The following UXS1 variants were observed in gnomAD, a reference collection of about 807,000 sequenced individuals.
UXS1 encodes UDP-glucuronate decarboxylase 1, also known as UDP-glucuronic acid decarboxylase 1.
A neutral mutation model predicts 62.6 loss-of-function variants in UXS1; 33 were observed. The ratio of observed to expected loss-of-function variants is 0.53; its 90% CI spans 0.40 to 0.70. UXS1 has a LOEUF of 0.70. Ranked by LOEUF, UXS1 falls within the 30% of genes least tolerant of loss-of-function variation. The pLI is 0.00. For missense variants in UXS1, 434 were observed against 556.3 expected, an observed-to-expected ratio of 0.78 and a Z score of 2.21; for synonymous variants, 213 against 206.8, an observed-to-expected ratio of 1.03 and a Z score of -0.26.
chr2:106,165,881 T>TC (rs1683181395), intron 2 of UXS1, among the ~76,000 whole-genome samples, 175 bp downstream of exon 2: 1 of 152,168 alleles, frequency 6.6e-6, no homozygotes, highest in Non-Finnish European at 1.5e-5. Flanking sequence ...ATCAGCTGCA[T>TC]TCCTTGAGAA....
chr2:106,158,600 G>A (rs113464136), intron 4 of UXS1, among the ~76,000 whole-genome samples: 210 of 152,292 alleles, frequency 1.4e-3, no homozygotes, highest in African/African-American at 4.9e-3. Flanking sequence ...GGAATTTATA[G>A]TTAAACGATG....
chr2:106,167,711 TAA>T (rs879477380), intron 1 of UXS1, among the ~76,000 whole-genome samples: 1 of 151,942 alleles, frequency 6.6e-6, no homozygotes, highest in Non-Finnish European at 1.5e-5. Context: ...CATTATTCAT[TAA>T]AAAAAATAAA....
chr2:106,109,477 T>A (rs748279280), intron 10 of UXS1, among the ~76,000 whole-genome samples: 1 of 152,152 alleles, frequency 6.6e-6, no homozygotes, highest in African/African-American at 2.4e-5. Context: ...TTCTACCACA[T>A]CTGACCTGTC....
intron 5 of UXS1, among the ~76,000 whole-genome samples, chr2:106,147,140 CATAA>C (rs952332600): frequency 3.3e-5 from 5 of 152,030 alleles, no homozygotes; most frequent in Admixed American, 2.6e-4. Context: ...GACTCTGTCT[CATAA>C]ATAAATAAAT....
At chr2:106,173,285 G>T (rs1421502893) in intron 1 of UXS1, among the ~76,000 whole-genome samples, 1 of 152,180 alleles carries the variant, frequency 6.6e-6, no homozygotes, top group Admixed American at 6.5e-5. Context: ...CTGTAGGCTG[G>T]GTGTGGTGGC....
chr2:106,142,040 T>A (rs1681149545), intron 6 of UXS1, among the ~76,000 whole-genome samples: 1 of 151,490 alleles, frequency 6.6e-6, no homozygotes, highest in Admixed American at 6.6e-5. Flanking sequence ...CCAGCTAACT[T>A]TTTGTATTTT....
intron 5 of UXS1, among the ~76,000 whole-genome samples, chr2:106,146,505 G>C (rs1681577365): frequency 6.6e-6 from 1 of 152,186 alleles, no homozygotes; most frequent in Admixed American, 6.5e-5. Context: ...TTTGAGTGGA[G>C]TGGTAGCTCA....
chr2:106,173,121 C>T (rs1441078883), intron 1 of UXS1, among the ~76,000 whole-genome samples: 2 of 152,164 alleles, frequency 1.3e-5, no homozygotes, highest in Non-Finnish European at 2.9e-5. Context: ...ATGTAAGCTC[C>T]ACAGCAGCAA....
intron 1 of UXS1, among the ~76,000 whole-genome samples, chr2:106,184,814 A>G (rs1389371987): frequency 6.6e-6 from 1 of 152,214 alleles, no homozygotes; most frequent in Non-Finnish European, 1.5e-5. Flanking sequence ...AGTACCATAC[A>G]TATCATATAC....
chr2:106,109,947 C>T (rs1163794242), intron 10 of UXS1, among the ~76,000 whole-genome samples: 1 of 152,214 alleles, frequency 6.6e-6, no homozygotes, highest in Non-Finnish European at 1.5e-5. Context: ...GGTGGACACA[C>T]CTCCTTATTT....
intron 5 of UXS1, among the ~76,000 whole-genome samples, chr2:106,157,153 G>A (rs545346189): frequency 1.1e-4 from 16 of 152,162 alleles, no homozygotes; most frequent in Admixed American, 1.0e-3. Context: ...TCCTTGGGGG[G>A]GGCCTACAAT....
At chr2:106,097,388 C>T in intron 13 of UXS1, 1 of 357,166 alleles carries the variant, frequency 2.8e-6, no homozygotes, top group Admixed American at 3.6e-5. Flanking sequence ...CACAGCCCCA[C>T]CAGTGACTGT....
chr2:106,146,810 T>A, intron 5 of UXS1, among the ~76,000 whole-genome samples: 1 of 121,128 alleles, frequency 8.3e-6, no homozygotes, highest in African/African-American at 3.1e-5. Context: ...GCCATCTGGA[T>A]GAAAAAGATC....
At chr2:106,181,638 G>A (rs1379320045) in intron 1 of UXS1, among the ~76,000 whole-genome samples, 1 of 152,160 alleles carries the variant, frequency 6.6e-6, no homozygotes, top group African/African-American at 2.4e-5. Flanking sequence ...AATCACTTGA[G>A]CTTAGGAGGG....
chr2:106,106,821 G>A (rs1678114568), intron 10 of UXS1, among the ~76,000 whole-genome samples: 1 of 152,102 alleles, frequency 6.6e-6, no homozygotes, highest in Non-Finnish European at 1.5e-5. Context: ...CAGTGCCGTA[G>A]GTGTAACTCT....
intron 10 of UXS1, among the ~76,000 whole-genome samples, chr2:106,108,149 T>C (rs1678249202): frequency 6.6e-6 from 1 of 152,230 alleles, no homozygotes; most frequent in Non-Finnish European, 1.5e-5. Context: ...TCAGTTTCTA[T>C]AGCATATCAC....
At chr2:106,181,977 A>T (rs933205038) in intron 1 of UXS1, among the ~76,000 whole-genome samples, 2 of 152,220 alleles carry the variant, frequency 1.3e-5, no homozygotes, top group African/African-American at 4.8e-5. Context: ...TTTTTAAAAG[A>T]TGGATTATGA....
At chr2:106,188,276 C>T (rs539947823) in intron 1 of UXS1, among the ~76,000 whole-genome samples, 4 of 152,194 alleles carry the variant, frequency 2.6e-5, no homozygotes, top group South Asian at 4.1e-4. Context: ...CACCAAAATG[C>T]TACTGGATAG....
At chr2:106,103,678 A>T (rs901424501) in intron 11 of UXS1, among the ~76,000 whole-genome samples, 21 of 152,330 alleles carry the variant, frequency 1.4e-4, no homozygotes, top group African/African-American at 4.8e-4. Flanking sequence ...AGTTGGTTAT[A>T]GTACACTTCT....
Sources: allele counts gnomAD v4.1 joint callset (sites outside exome capture counted in the v4.1 genomes callset), GRCh38; gene constraint gnomAD v4.1.1; transcripts MANE v1.5; gene names NCBI Gene and HGNC (gene_info 2026-07-23, HGNC 2026-07-21).